Variants in PTCHD4 observed in about 807,000 individuals in gnomAD.
The protein encoded by PTCHD4 is patched domain containing 4, also known as patched domain-containing protein 4.
A neutral mutation model predicts 58.1 loss-of-function variants in PTCHD4; 33 were observed. The ratio of observed to expected loss-of-function variants is 0.57; its 90% CI spans 0.43 to 0.76. The LOEUF is 0.76. PTCHD4 is among the 30% of genes least tolerant of loss of function. PTCHD4 has a pLI of 0.00. For synonymous variants in PTCHD4, 478 were observed against 409.6 expected, an observed-to-expected ratio of 1.17 and a Z score of -2.02; for missense variants, 1,058 against 1,027.1, an observed-to-expected ratio of 1.03 and a Z score of -0.41.
intron 4 of PTCHD4, among the ~76,000 whole-genome samples, chr6:47,902,874 T>G: frequency 6.6e-6 from 1 of 152,324 alleles, no homozygotes; most frequent in South Asian, 2.1e-4. Flanking sequence ...CCATTTAAAG[T>G]TATAAAATAA....
At chr6:47,980,234 A>G (rs1218387749) in intron 4 of PTCHD4, among the ~76,000 whole-genome samples, 1 of 152,094 alleles carries the variant, frequency 6.6e-6, no homozygotes, top group African/African-American at 2.4e-5. Context: ...GAGTTCTTAT[A>G]TAACAAGGGT....
intron 3 of PTCHD4, among the ~76,000 whole-genome samples, chr6:48,042,520 G>A (rs187965934): frequency 3.3e-5 from 5 of 151,982 alleles, no homozygotes; most frequent in African/African-American, 1.2e-4. Flanking sequence ...AATGTCCCCT[G>A]CTCCCAATAA....
chr6:47,907,146 A>C (rs1252948567), intron 4 of PTCHD4, among the ~76,000 whole-genome samples: 1 of 152,166 alleles, frequency 6.6e-6, no homozygotes, highest in African/African-American at 2.4e-5. Context: ...ATTGGTGGGA[A>C]GGGGTTTTGG....
Position 48,012,271 on chromosome 6 carries a change from T to C in PTCHD4, c.418-3157A>G, listed in dbSNP as rs1393386481. 2.6e-5 allele frequency among the ~76,000 whole-genome samples: 4 copies of C among 152,214 alleles called. No homozygotes were observed. In the East Asian group the frequency reaches 5.8e-4, roughly 22 times the overall value. On this transcript the variant is annotated intron_variant, in intron 3 of 4. Coordinates refer to ENST00000339488, the MANE Select transcript of PTCHD4 (RefSeq NM_001384253.1). Reference sequence around the variant, plus strand: ...TCGAGTGGTGGTTTGTAGTTCTCCTTGAAGAGGTCCTTTACATGCATTGTA... The same window carrying C: ...TCGAGTGGTGGTTTGTAGTTCTCCTCGAAGAGGTCCTTTACATGCATTGTA...
chr6:47,924,758 A>C (rs897317425), intron 4 of PTCHD4, among the ~76,000 whole-genome samples: 1 of 152,106 alleles, frequency 6.6e-6, no homozygotes, highest in Non-Finnish European at 1.5e-5. Context: ...TGTTTTTAAG[A>C]ATGCAAATAT....
At chr6:48,009,356 C>T (rs970368257) in intron 3 of PTCHD4, among the ~76,000 whole-genome samples, 1 of 152,198 alleles carries the variant, frequency 6.6e-6, no homozygotes, top group Non-Finnish European at 1.5e-5. Context: ...AGAATTGCCA[C>T]ATGCATAGAG....
At chr6:47,977,834 A>T (rs1767751126) in intron 4 of PTCHD4, among the ~76,000 whole-genome samples, 1 of 152,238 alleles carries the variant, frequency 6.6e-6, no homozygotes, top group Admixed American at 6.5e-5. Flanking sequence ...GAAAAATGAC[A>T]TTAAAAGACA....
At chr6:47,975,511 T>C (rs1447999029) in intron 4 of PTCHD4, among the ~76,000 whole-genome samples, 1 of 152,158 alleles carries the variant, frequency 6.6e-6, no homozygotes, top group Non-Finnish European at 1.5e-5. Context: ...AACCCTAACC[T>C]TCTTGGTTCA....
intron 3 of PTCHD4, among the ~76,000 whole-genome samples, chr6:48,026,148 G>C (rs1763238161): frequency 6.6e-6 from 1 of 152,138 alleles, no homozygotes; most frequent in East Asian, 1.9e-4. Flanking sequence ...CTGGTAGCAA[G>C]CTTCTTTTGA....
intron 4 of PTCHD4, among the ~76,000 whole-genome samples, chr6:47,897,095 G>A (rs2022333): frequency 0.66 from 99,931 of 151,900 alleles, 33,210 homozygotes; most frequent in East Asian, 0.78. Flanking sequence ...TTTTGAGGTG[G>A]AGATGATCGT....
chr6:48,051,637 A>T (rs867229036), intron 3 of PTCHD4, among the ~76,000 whole-genome samples: 96 of 152,050 alleles, frequency 6.3e-4, no homozygotes, highest in African/African-American at 2.0e-3. Flanking sequence ...TTCATTTTTT[A>T]AGTCTATAGC....
chr6:47,992,364 G>A (rs1768314176), intron 4 of PTCHD4, among the ~76,000 whole-genome samples: 1 of 151,970 alleles, frequency 6.6e-6, no homozygotes, highest in African/African-American at 2.4e-5. Context: ...ATGAAGAAAA[G>A]CTAAAAACTG....
intron 1 of PTCHD4, among the ~76,000 whole-genome samples, chr6:48,107,242 C>T (rs1765751106): frequency 6.6e-6 from 1 of 152,044 alleles, no homozygotes; most frequent in South Asian, 2.1e-4. Context: ...GGTACTCGTA[C>T]CAAAACAGAG....
chr6:47,884,493 T>C (rs1461413727), intron 4 of PTCHD4, among the ~76,000 whole-genome samples: 2 of 152,210 alleles, frequency 1.3e-5, no homozygotes, highest in Non-Finnish European at 2.9e-5. Context: ...TGCACCAGTG[T>C]CCACCCCAAA....
In PTCHD4 at chr6:48,089,802, T is replaced by A. The variant is rs948541971; in HGVS notation, c.-969-19876A>T. ...GTGAATCACAATTTTATGTCCCATG[T>A]GTGTCTCATCTTATGCCTACCTTAA... On this transcript the variant is annotated intron_variant, in intron 1 of 4. Transcript: ENST00000339488. 1.1e-4 allele frequency among the ~76,000 whole-genome samples: 17 copies of A among 152,230 alleles called. 1 individual carries two copies.
intron 4 of PTCHD4, among the ~76,000 whole-genome samples, chr6:47,997,604 G>A (rs762578503): frequency 2.2e-4 from 33 of 152,110 alleles, no homozygotes; most frequent in Non-Finnish European, 3.4e-4. Flanking sequence ...CTCAAACTCA[G>A]GATTGTACTC....
chr6:48,085,911 A>G (rs546804905), intron 1 of PTCHD4, among the ~76,000 whole-genome samples: 1 of 152,284 alleles, frequency 6.6e-6, no homozygotes, highest in South Asian at 2.1e-4. Context: ...TGCTTAAAAA[A>G]CAAACTTTTT....
At chr6:47,972,278 G>A (rs915491547) in intron 4 of PTCHD4, among the ~76,000 whole-genome samples, 1 of 152,126 alleles carries the variant, frequency 6.6e-6, no homozygotes, top group African/African-American at 2.4e-5. Context: ...ATTGGTGTGG[G>A]CTCCATTTAA....
At chr6:47,929,057 G>A (rs112049398) in intron 4 of PTCHD4, among the ~76,000 whole-genome samples, 1 of 151,906 alleles carries the variant, frequency 6.6e-6, no homozygotes. Context: ...TTAGAATGAG[G>A]CTATTATTAT....
Sources: allele counts gnomAD v4.1 joint callset (sites outside exome capture counted in the v4.1 genomes callset), GRCh38; gene constraint gnomAD v4.1.1; transcripts MANE v1.5; gene names NCBI Gene and HGNC (gene_info 2026-07-23, HGNC 2026-07-21).